PARD3: variants seen among roughly 807,000 people sequenced by gnomAD.
PARD3 encodes partitioning defective 3 homolog.
In PARD3, 75 loss-of-function variants were observed where a neutral mutation model predicts 155.4. The observed-to-expected ratio is 0.48, with a 90% confidence interval of 0.40 to 0.58. The LOEUF is 0.58. Among genes scored for constraint, PARD3 ranks in the 20% least tolerant of loss-of-function variants. The probability of loss-of-function intolerance (pLI) is 0.00; values close to 1 mark genes in which losing one functional copy is unlikely to be tolerated. For synonymous variants in PARD3, 576 were observed against 610.5 expected, an observed-to-expected ratio of 0.94 and a Z score of 0.83; for missense variants, 1,642 against 1,721.7, an observed-to-expected ratio of 0.95 and a Z score of 0.82.
At chr10:34,597,707 G>A (rs180861563) in intron 2 of PARD3, among the ~76,000 whole-genome samples, 168 of 152,250 alleles carry the variant, frequency 1.1e-3, no homozygotes, top group African/African-American at 3.7e-3. Context: ...ATGAAGCTGG[G>A]GTAAGCTGGG....
At chr10:34,253,957 T>C (rs1564521734) in intron 22 of PARD3, among the ~76,000 whole-genome samples, 2 of 152,122 alleles carry the variant, frequency 1.3e-5, no homozygotes, top group Non-Finnish European at 2.9e-5. Context: ...GGCTGGATGA[T>C]GAGAAGTTAC....
chr10:34,620,290 C>T lies in PARD3; in HGVS notation c.222+76028G>A, dbSNP rs79137761. Among the ~76,000 whole-genome samples, 1,088 of 152,244 alleles carry T rather than the reference C, an allele frequency of 7.1e-3. 13 individuals carry two copies. The highest frequency in any genetic ancestry group is 0.025 in the African/African-American group (1,048 of 41,542). On this transcript the variant is annotated intron_variant, in intron 2 of 24. Coordinates refer to ENST00000374788, the MANE Select transcript of PARD3 (RefSeq NM_001184785.2). Reference sequence around the variant, plus strand: ...GGTAGCCAAAGCAGTGAAACCCACGCCCATTTGTGATCCCAGATCCCATTT... The same window carrying T: ...GGTAGCCAAAGCAGTGAAACCCACGTCCATTTGTGATCCCAGATCCCATTT...
At chr10:34,514,142 T>C (rs925172154) in intron 3 of PARD3, among the ~76,000 whole-genome samples, 1 of 152,172 alleles carries the variant, frequency 6.6e-6, no homozygotes, top group Non-Finnish European at 1.5e-5. Flanking sequence ...AAATACATAC[T>C]CTATATATTT....
intron 1 of PARD3, among the ~76,000 whole-genome samples, chr10:34,716,884 A>G (rs1231290123): frequency 3.3e-5 from 5 of 151,656 alleles, no homozygotes. Context: ...GAGCCACTGC[A>G]CCCAGCCTCA....
intron 2 of PARD3, among the ~76,000 whole-genome samples, chr10:34,543,611 T>C (rs187205671): frequency 1.1e-4 from 16 of 152,352 alleles, no homozygotes; most frequent in Non-Finnish European, 2.2e-4. Flanking sequence ...TGTGCAACTA[T>C]ACAACAGAAG....
intron 5 of PARD3, among the ~76,000 whole-genome samples, chr10:34,403,495 T>C (rs993877576): frequency 1.8e-4 from 28 of 152,176 alleles, no homozygotes; most frequent in East Asian, 5.8e-4. Flanking sequence ...ATTGAAGAGA[T>C]AGTAAGAGAC....
intron 2 of PARD3, among the ~76,000 whole-genome samples, chr10:34,680,050 A>G (rs913698525): frequency 6.6e-6 from 1 of 152,218 alleles, no homozygotes; most frequent in Non-Finnish European, 1.5e-5. Context: ...ATGAGCATGT[A>G]AGAACCTGCA....
At chr10:34,224,382 G>A (rs868143800) in intron 22 of PARD3, among the ~76,000 whole-genome samples, 1 of 152,210 alleles carries the variant, frequency 6.6e-6, no homozygotes, top group South Asian at 2.1e-4. Flanking sequence ...TAAGCATACT[G>A]AAACTCCCCC....
chr10:34,728,918 G>A (rs2094766882), intron 1 of PARD3, among the ~76,000 whole-genome samples: 1 of 152,130 alleles, frequency 6.6e-6, no homozygotes, highest in Non-Finnish European at 1.5e-5. Flanking sequence ...CCATAAGATT[G>A]TAATACCGTA....
chr10:34,185,872 C>A (rs1588675275), intron 22 of PARD3, among the ~76,000 whole-genome samples: 1 of 145,916 alleles, frequency 6.9e-6, no homozygotes, highest in East Asian at 2.0e-4. Flanking sequence ...TAGGAATATC[C>A]ATATTACACA....
At chr10:34,620,311 C>A (rs1457258331) in intron 2 of PARD3, among the ~76,000 whole-genome samples, 1 of 152,172 alleles carries the variant, frequency 6.6e-6, no homozygotes, top group Non-Finnish European at 1.5e-5. Flanking sequence ...TCCCAGATCC[C>A]ATTTATAAGG....
intron 7 of PARD3, among the ~76,000 whole-genome samples, chr10:34,392,744 T>C (rs1177330095): frequency 1.3e-5 from 2 of 152,124 alleles, no homozygotes; most frequent in African/African-American, 4.8e-5. Flanking sequence ...TGCTGGGAAT[T>C]AATATGTAGT....
chr10:34,759,417 T>C (rs1837158031), intron 1 of PARD3, among the ~76,000 whole-genome samples: 1 of 152,180 alleles, frequency 6.6e-6, no homozygotes, highest in South Asian at 2.1e-4. Flanking sequence ...TAAAGTAGAA[T>C]ATCACATTTT....
chr10:34,147,548 T>A (rs1158151408), intron 22 of PARD3, among the ~76,000 whole-genome samples: 2 of 151,934 alleles, frequency 1.3e-5, no homozygotes, highest in African/African-American at 4.8e-5. Flanking sequence ...CTTTATAAGT[T>A]TATATATATA....
intron 22 of PARD3, among the ~76,000 whole-genome samples, chr10:34,148,001 T>G (rs992553235): frequency 2.4e-4 from 36 of 152,182 alleles, no homozygotes; most frequent in Admixed American, 3.3e-4. Context: ...CTTGCCTGTA[T>G]TTTATACTTC....
At chr10:34,289,002 C>G (rs1956540007) in intron 20 of PARD3, among the ~76,000 whole-genome samples, 1 of 152,132 alleles carries the variant, frequency 6.6e-6, no homozygotes, top group African/African-American at 2.4e-5. Context: ...CACTCTGTCA[C>G]CCGGGCTGGA....
chr10:34,389,702 A>T (rs1842696806), intron 7 of PARD3, among the ~76,000 whole-genome samples: 2 of 152,208 alleles, frequency 1.3e-5, no homozygotes, highest in Non-Finnish European at 2.9e-5. Flanking sequence ...AGAACCGCTC[A>T]GCTCCCTGAG....
chr10:34,312,125 G>GTA lies in PARD3; in HGVS notation c.3065+4981_3065+4982insTA, dbSNP rs147495912. 8.4e-3 allele frequency: 5,736 copies of GTA among 682,100 alleles called. 230 individuals carry two copies. In the African/African-American group the frequency reaches 0.095, roughly 11 times the overall value. The allele number at this position is 682,100 out of a possible 1,614,324, so 42.3% of individuals were successfully genotyped here. ...AAAGAAAGGAAAGAGAAAAAAACACGTCTCTGCCTTTTCAAGCGTAATTTA... is the reference window on the plus strand; with the variant it reads ...AAAGAAAGGAAAGAGAAAAAAACACGTATCTCTGCCTTTTCAAGCGTAATTTA... On this transcript the variant is annotated intron_variant, in intron 20 of 24. Coordinates refer to ENST00000374788, the MANE Select transcript of PARD3 (RefSeq NM_001184785.2).
At chr10:34,544,838 T>G (rs1321640234) in intron 2 of PARD3, among the ~76,000 whole-genome samples, 1 of 152,214 alleles carries the variant, frequency 6.6e-6, no homozygotes, top group Non-Finnish European at 1.5e-5. Context: ...GTAGTAACTA[T>G]TATTCTCATT....
Sources: gnomAD v4.1 joint callset for allele counts (sites outside exome capture counted in the v4.1 genomes callset) on GRCh38, gnomAD v4.1.1 for gene constraint, MANE v1.5 for transcripts, NCBI Gene and HGNC (gene_info 2026-07-23, HGNC 2026-07-21) for gene names.